Variants in VPS8 observed in about 807,000 individuals in gnomAD.
VPS8 encodes the protein vacuolar protein sorting-associated protein 8 homolog.
A neutral mutation model predicts 216.4 loss-of-function variants in VPS8; 129 were observed. The observed-to-expected ratio is 0.60, with a 90% CI of 0.52 to 0.69. The LOEUF (loss-of-function observed/expected upper bound fraction) is 0.69, where lower values mean the gene tolerates loss of function less well. Among genes scored for constraint, VPS8 ranks in the 30% least tolerant of loss-of-function variants. The pLI is 0.00. For missense variants in VPS8, 1,531 were observed against 1,683.5 expected (o/e 0.91, Z 1.59); for synonymous variants, 571 against 565.4 (o/e 1.01, Z -0.14).
At chr3:185,018,868 G>A (rs911721601) in intron 45 of VPS8, among the ~76,000 whole-genome samples, 3 of 152,136 alleles carry the variant, frequency 2.0e-5, no homozygotes, top group African/African-American at 4.8e-5. Flanking sequence ...CGCTCGAGGC[G>A]CTGCTCGAAC....
At chr3:184,882,268 G>A (rs951668139) in intron 21 of VPS8, 1 of 399,994 alleles carries the variant, frequency 2.5e-6, no homozygotes, top group African/African-American at 2.1e-5. Flanking sequence ...TTTTCTAAGA[G>A]GGTTTTCATG....
intron 43 of VPS8, among the ~76,000 whole-genome samples, chr3:184,995,802 G>C (rs1315108155): frequency 3.9e-5 from 6 of 152,176 alleles, no homozygotes; most frequent in Non-Finnish European, 5.9e-5. Flanking sequence ...ACTTCTAAGT[G>C]CTGATCAGGA....
intron 45 of VPS8, among the ~76,000 whole-genome samples, chr3:185,003,969 G>A (rs567968922): frequency 1.3e-5 from 2 of 151,772 alleles, no homozygotes; most frequent in South Asian, 4.2e-4. Context: ...TGGGCGGCCG[G>A]GCAGAGACGC....
intron 14 of VPS8, among the ~76,000 whole-genome samples, chr3:184,858,792 A>G (rs1725752926): frequency 6.6e-6 from 1 of 152,208 alleles, no homozygotes. Flanking sequence ...AACTATTGCC[A>G]TGACCTTTGC....
chr3:185,013,671 G>A (rs1469130328), intron 45 of VPS8, among the ~76,000 whole-genome samples: 3 of 152,096 alleles, frequency 2.0e-5, no homozygotes, highest in Non-Finnish European at 4.4e-5. Flanking sequence ...AAATCCTTAT[G>A]TTTAGCTCCT....
chr3:184,861,720 C>G (rs1167093065), intron 15 of VPS8, among the ~76,000 whole-genome samples: 1 of 152,210 alleles, frequency 6.6e-6, no homozygotes, highest in East Asian at 1.9e-4. Context: ...AATGTCAACA[C>G]TTGCAACGCT....
At chr3:185,002,735 G>C (rs561023131) in intron 45 of VPS8, among the ~76,000 whole-genome samples, 1 of 152,256 alleles carries the variant, frequency 6.6e-6, no homozygotes, top group African/African-American at 2.4e-5. Context: ...ACTTCACTTA[G>C]AATAATGGTC....
At chr3:184,907,721 C>T (rs915445259) in intron 25 of VPS8, among the ~76,000 whole-genome samples, 1 of 152,130 alleles carries the variant, frequency 6.6e-6, no homozygotes. Context: ...ACTGATTGTT[C>T]TGTTTTTGAA....
At chr3:184,900,783 T>C in intron 24 of VPS8, 138 bp from the exon 25 acceptor site, 1 of 714,108 alleles carries the variant, frequency 1.4e-6, no homozygotes, top group Non-Finnish European at 2.3e-6. Context: ...CATGTACAGA[T>C]TAAAGGTTTT....
intron 40 of VPS8, among the ~76,000 whole-genome samples, chr3:184,977,887 T>TC (rs574535117): frequency 4.7e-5 from 7 of 149,464 alleles, no homozygotes; most frequent in African/African-American, 9.7e-5. Context: ...CTTTTTTCTT[T>TC]TTTTTTTTTT....
At chr3:184,882,456 G>A (rs1205609690) in intron 21 of VPS8, 1 of 434,942 alleles carries the variant, frequency 2.3e-6, no homozygotes, top group Non-Finnish European at 4.6e-6. Context: ...TTATGTAATT[G>A]TGAATTATCA....
intron 25 of VPS8, among the ~76,000 whole-genome samples, chr3:184,908,737 A>C (rs1325972815): frequency 2.0e-5 from 3 of 152,136 alleles, no homozygotes; most frequent in African/African-American, 7.2e-5. Flanking sequence ...GCAATTGAAG[A>C]GTGAGCAAGG....
chr3:184,941,906 T>TA (rs1272299685), intron 36 of VPS8, among the ~76,000 whole-genome samples: 4,345 of 146,964 alleles, frequency 0.03, 207 homozygotes, highest in African/African-American at 0.1. Context: ...TTTTTTTATT[T>TA]AAAAAAAAAA....
chr3:185,018,987 G>A (rs1756242419), intron 45 of VPS8, among the ~76,000 whole-genome samples: 1 of 152,186 alleles, frequency 6.6e-6, no homozygotes, highest in Non-Finnish European at 1.5e-5. Flanking sequence ...GAAGGGTACG[G>A]ATGAACCTTA....
Position 184,847,905 on chromosome 3 carries a change from TTTTG to T in VPS8, c.542-1146_542-1143del, listed in dbSNP as rs368279984. ...ATTTGAATTGCTTGCTTTTAGCATA[TTTTG>T]TTTGTTTGTTTGTTTGTTTTTGAGA... On this transcript the variant is annotated intron_variant, in intron 8 of 47. Coordinates refer to ENST00000625842, the MANE Select transcript of VPS8 (RefSeq NM_001009921.3). Among the ~76,000 whole-genome samples, 123 of 152,232 alleles carry T rather than the reference TTTTG, an allele frequency of 8.1e-4. 2 individuals carry two copies. The East Asian group carries it at 0.015, about 19-fold the overall frequency.
intron 25 of VPS8, among the ~76,000 whole-genome samples, chr3:184,904,718 A>G (rs79527992): frequency 0.013 from 1,992 of 152,322 alleles, 40 homozygotes; most frequent in African/African-American, 0.04. Context: ...TGTTTGCCTC[A>G]TAGAATGAGT....
chr3:184,968,210 G>T (rs542664141), intron 39 of VPS8, among the ~76,000 whole-genome samples: 2 of 152,280 alleles, frequency 1.3e-5, no homozygotes, highest in Non-Finnish European at 2.9e-5. Context: ...GCATGTGTCA[G>T]AATTTTCTTC....
chr3:184,972,209 G>A (rs551632989), intron 40 of VPS8, among the ~76,000 whole-genome samples: 20 of 152,278 alleles, frequency 1.3e-4, no homozygotes, highest in African/African-American at 4.6e-4. Flanking sequence ...GGAGACTCCC[G>A]AAGTTACTAT....
At position 185,048,546 on chromosome 3, in the gene VPS8, G is replaced by T; in HGVS notation, c.4124G>T (p.Arg1375Leu). The T allele has an allele frequency of 5.0e-6, 8 of 1,613,860 alleles. No individual in the cohort carries two copies. The highest frequency in any genetic ancestry group is 5.9e-6 in the Non-Finnish European group (7 of 1,179,884). The part of the protein sequence containing the change: ...QAFDQLCRLY[R>L]GSSRLALLTE... ...TTTGATCAGCTTTGCCGTCTCTACCGAGGAAGCTCCAGGGTAATGTTTGCG... is the reference window on the plus strand; with the variant it reads ...TTTGATCAGCTTTGCCGTCTCTACCTAGGAAGCTCCAGGGTAATGTTTGCG... Residue 1375 changes from arginine (R) to leucine (L), a missense_variant, in exon 47 of 48, where the codon CGA becomes CTA. Around this residue, in one of 3 missense-constraint regions of VPS8, gnomAD observed 1,318 missense variants for 1,468.4 expected, o/e 0.90. Transcript: ENST00000625842.
Sources: gnomAD v4.1 joint callset for allele counts (sites outside exome capture counted in the v4.1 genomes callset) on GRCh38, gnomAD v4.1.1 for gene constraint, gnomAD v4.1.1 regional missense constraint, MANE v1.5 for transcripts, NCBI Gene and HGNC (gene_info 2026-07-23, HGNC 2026-07-21) for gene names.